Variants in NCOR2 observed in about 807,000 individuals in gnomAD.
The protein encoded by NCOR2 is CTG repeat protein 26.
A neutral mutation model predicts 262.9 loss-of-function variants in NCOR2; 81 were observed. The ratio of observed to expected loss-of-function variants is 0.31; its 90% CI spans 0.26 to 0.37. NCOR2 has a LOEUF of 0.37. Among genes scored for constraint, NCOR2 ranks in the 10% least tolerant of loss-of-function variants. The pLI, the probability that NCOR2 is intolerant of heterozygous loss-of-function variation, is 1.00. For missense variants in NCOR2, 3,385 were observed against 3,621.4 expected (o/e 0.93, Z 1.68); for synonymous variants, 1,659 against 1,559.3 (o/e 1.06, Z -1.51).
chr12:124,554,553 C>T (rs2051822092), intron 1 of NCOR2, among the ~76,000 whole-genome samples: 1 of 152,268 alleles, frequency 6.6e-6, no homozygotes, highest in African/African-American at 2.4e-5. Context: ...TCCAAGCACC[C>T]CCAGGCACTC....
At chr12:124,448,948 A>G (rs112680078) in intron 7 of NCOR2, among the ~76,000 whole-genome samples, 3,719 of 152,230 alleles carry the variant, frequency 0.024, 72 homozygotes, top group Middle Eastern at 0.051. Context: ...TTCAACAGCT[A>G]TGATCCTGAA....
At position 124,475,318 on chromosome 12, in the gene NCOR2, C is replaced by A. The variant is rs77019477; in HGVS notation, c.412-2187G>T. 3.9e-4 allele frequency among the ~76,000 whole-genome samples: 59 copies of A among 152,322 alleles called. 1 individual carries two copies. The East Asian group carries it at 0.011, about 27-fold the overall frequency. Reference sequence around the variant, plus strand: ...TGGGGCCGCTCACAGCTCAGCCTATCCCAGTCCTCTGCACACCCCATGAAG... The same window carrying A: ...TGGGGCCGCTCACAGCTCAGCCTATACCAGTCCTCTGCACACCCCATGAAG... On this transcript the variant is annotated intron_variant, in intron 3 of 46. Coordinates refer to ENST00000405201, the Ensembl canonical transcript of NCOR2.
At chr12:124,484,779 C>T (rs2047687991) in intron 2 of NCOR2, among the ~76,000 whole-genome samples, 1 of 152,356 alleles carries the variant, frequency 6.6e-6, no homozygotes, top group South Asian at 2.1e-4. Flanking sequence ...CTCCCACGCG[C>T]TTGGTGACAA....
intron 34 of NCOR2, 46 bp from the exon 37 acceptor site, chr12:124,340,797 G>T (rs764726255): frequency 8.9e-5 from 130 of 1,456,574 alleles, no homozygotes; most frequent in Non-Finnish European, 1.1e-4. Flanking sequence ...GGAGGAGAGA[G>T]GCCAGGCTGC....
At chr12:124,473,198 G>A in intron 3 of NCOR2, 67 bp from the exon 6 acceptor site, 5 of 1,566,314 alleles carry the variant, frequency 3.2e-6, no homozygotes, top group Non-Finnish European at 4.4e-6. Flanking sequence ...ACAACCCTGT[G>A]ATGGTTAATA....
At chr12:124,392,507 C>T (rs941206385) in intron 16 of NCOR2, among the ~76,000 whole-genome samples, 2 of 152,088 alleles carry the variant, frequency 1.3e-5, no homozygotes, top group South Asian at 2.1e-4. Flanking sequence ...TCACACAGCT[C>T]GAGTGTCGCC....
intron 20 of NCOR2, among the ~76,000 whole-genome samples, chr12:124,369,380 G>A (rs935472261): frequency 1.3e-5 from 2 of 152,048 alleles, no homozygotes; most frequent in African/African-American, 4.8e-5. Context: ...GTCATCTTGC[G>A]TCCATCCAGG....
intron 1 of NCOR2, among the ~76,000 whole-genome samples, chr12:124,501,525 T>C (rs2048736585): frequency 6.6e-6 from 1 of 152,100 alleles, no homozygotes; most frequent in South Asian, 2.1e-4. Context: ...TCCTCACTCC[T>C]CCAGCTCTGG....
chr12:124,332,458 G>A, exon 43 of NCOR2: 3 of 1,614,150 alleles, frequency 1.9e-6, no homozygotes, highest in Non-Finnish European at 2.5e-6. Flanking sequence ...GAGACTTGGA[G>A]CCCATCCTGC....
At chr12:124,370,579 A>G (rs2039419433) in intron 20 of NCOR2, among the ~76,000 whole-genome samples, 2 of 152,188 alleles carry the variant, frequency 1.3e-5, no homozygotes, top group South Asian at 4.1e-4. Flanking sequence ...ACCAGAAAAC[A>G]ATTCCTCCAG....
At chr12:124,355,392 A>T in intron 24 of NCOR2, 40 bp downstream of exon 26, 1 of 1,606,586 alleles carries the variant, frequency 6.2e-7, no homozygotes, top group Non-Finnish European at 8.5e-7. Flanking sequence ...TTTACAGATA[A>T]GAAGACTAAG....
chr12:124,440,286 G>C lies in NCOR2; in HGVS notation c.816-2290C>G, dbSNP rs1267353500. ...GGGACCCCAGCCCCATTGGAAACAG[G>C]AAAAGGAGGGAACCCCAGGCTCTGA... On this transcript the variant is annotated intron_variant, in intron 7 of 46. Transcript: ENST00000405201. This position sits in a 1 kb window ranked among gnomAD's most constrained non-coding sequence, Gnocchi z 5.7. 1.3e-5 allele frequency among the ~76,000 whole-genome samples: 2 copies of C among 152,220 alleles called. No individual in the cohort carries two copies. The highest frequency in any genetic ancestry group is 6.5e-5 in the Admixed American group (1 of 15,286).
intron 44 of NCOR2, chr12:124,328,710 T>G (rs1004816610): frequency 3.6e-5 from 6 of 165,382 alleles, no homozygotes; most frequent in African/African-American, 1.2e-4. Context: ...CTGCTCCGAA[T>G]GAATCATACG....
At chr12:124,521,105 C>T (rs1566022148) in intron 1 of NCOR2, among the ~76,000 whole-genome samples, 1 of 152,154 alleles carries the variant, frequency 6.6e-6, no homozygotes, top group Non-Finnish European at 1.5e-5. Flanking sequence ...GTGTGGGGCC[C>T]AGGGGGGAGG....
At position 124,327,642 on chromosome 12, in the gene NCOR2, G is replaced by C. The variant is rs1421300080; in HGVS notation, c.6959-9C>G. ...TCTATAGGTCATAAGGCCTGGGAGA[G>C]AGAGACAGACAGACAGACAGACACA... On this transcript the variant is annotated splice_polypyrimidine_tract_variant and intron_variant, in intron 44 of 46. Coordinates refer to ENST00000405201, the Ensembl canonical transcript of NCOR2. The C allele has an allele frequency of 1.3e-6, 2 of 1,597,114 alleles. No individual in the cohort carries two copies. The highest frequency in any genetic ancestry group is 1.7e-6 in the Non-Finnish European group (2 of 1,175,376).
At chr12:124,345,618 G>A (rs2036858115) in intron 31 of NCOR2, among the ~76,000 whole-genome samples, 1 of 152,206 alleles carries the variant, frequency 6.6e-6, no homozygotes, top group Admixed American at 6.5e-5. Context: ...GTAAGAAGGG[G>A]AACTGCCCTT....
chr12:124,514,798 G>C (rs701041), intron 1 of NCOR2: 110,487 of 144,590 alleles, frequency 0.76, 43,709 homozygotes, highest in East Asian at 0.98. Flanking sequence ...CTCCAGCCTG[G>C]GGGAGTGAGA....
intron 30 of NCOR2, chr12:124,347,533 A>T (rs1285923397): frequency 1.2e-5 from 5 of 403,802 alleles, no homozygotes; most frequent in Middle Eastern, 1.3e-3. Context: ...GATGTTCTGT[A>T]AAACGATACG....
intron 7 of NCOR2, among the ~76,000 whole-genome samples, chr12:124,438,803 A>ACG: frequency 8.9e-6 from 1 of 112,768 alleles, no homozygotes; most frequent in Non-Finnish European, 1.9e-5. Flanking sequence ...AGAGAGAGAG[A>ACG]GAGAGACGGA....
Sources: allele counts gnomAD v4.1 joint callset (sites outside exome capture counted in the v4.1 genomes callset), GRCh38; gene constraint gnomAD v4.1.1; non-coding constraint Gnocchi (gnomAD v3.1); transcripts MANE v1.5; gene names NCBI Gene and HGNC (gene_info 2026-07-23, HGNC 2026-07-21).